ST8SIA4: variants seen among roughly 807,000 people sequenced by gnomAD.
ST8SIA4 encodes ST8 alpha-N-acetyl-neuraminide alpha-2,8-sialyltransferase 4.
ST8SIA4 carries 15 observed loss-of-function variants against 33.9 expected under a neutral mutation model. The observed-to-expected ratio is 0.44, with a 90% CI of 0.30 to 0.68. The LOEUF (loss-of-function observed/expected upper bound fraction) is 0.68, where lower values mean the gene tolerates loss of function less well. Ranked by LOEUF, ST8SIA4 falls within the 30% of genes least tolerant of loss-of-function variation. The probability of loss-of-function intolerance (pLI) is 0.10; values close to 1 mark genes in which losing one functional copy is unlikely to be tolerated. For synonymous variants in ST8SIA4, 171 were observed against 151.2 expected (o/e 1.13, Z -0.96); for missense variants, 321 against 428.0 (o/e 0.75, Z 2.21).
chr5:100,808,224 C>G lies in ST8SIA4; in HGVS notation c.*3623G>C, dbSNP rs566784142. 1.2e-4 allele frequency: 19 copies of G among 152,596 alleles called. No homozygotes were observed. Among genetic ancestry groups the G allele is most frequent in the African/African-American group, 4.6e-4 (19 of 41,524 alleles). The allele number at this position is 152,596 out of a possible 1,614,324, so 9.5% of individuals were successfully genotyped here. Reference sequence around the variant, plus strand: ...AATAACTAATTGGTATGTACACTACCCCTAGCATTACTTAAATAAATTGCT... The same window carrying G: ...AATAACTAATTGGTATGTACACTACGCCTAGCATTACTTAAATAAATTGCT... On this transcript the variant is annotated 3_prime_UTR_variant, in exon 5 of 5. Coordinates refer to ENST00000231461, the MANE Select transcript of ST8SIA4 (RefSeq NM_005668.6).
chr5:100,889,181 A>G (rs1485238160), intron 2 of ST8SIA4, among the ~76,000 whole-genome samples: 2 of 151,958 alleles, frequency 1.3e-5, no homozygotes, highest in Non-Finnish European at 2.9e-5. Flanking sequence ...AAGTGGCAAT[A>G]TACAGAATTT....
In ST8SIA4 at chr5:100,856,335, T is replaced by C; in HGVS notation, c.565A>G (p.Thr189Ala). The C allele has an allele frequency of 6.2e-7, 1 of 1,613,958 alleles. No homozygotes were observed. Among genetic ancestry groups the C allele is most frequent in the Non-Finnish European group, 8.5e-7 (1 of 1,179,944 alleles). ...ADVGTKSDFITMNPSVVQRAF... is the reference protein window; with the variant it reads ...ADVGTKSDFIAMNPSVVQRAF... ...CTTTGTACAACTGATGGATTCATGG[T>C]AATAAAATCTGATTTAGTTCCCACA... The change falls in exon 4 of 5, where the codon ACC becomes GCC. Residue 189 changes from threonine (T) to alanine (A), a missense_variant. Thr to Ala is a moderately conservative substitution (Grantham distance 58). Transcript: ENST00000231461.
intron 2 of ST8SIA4, chr5:100,890,967 T>A (rs1390072127): frequency 2.0e-5 from 3 of 151,898 alleles, no homozygotes; most frequent in African/African-American, 7.2e-5. Flanking sequence ...CCTTTCAACG[T>A]CACCTATCAC....
At chr5:100,862,946 A>C (rs1241398086) in intron 3 of ST8SIA4, among the ~76,000 whole-genome samples, 2 of 152,254 alleles carry the variant, frequency 1.3e-5, no homozygotes, top group Non-Finnish European at 2.9e-5. Flanking sequence ...GGAAGCAAAA[A>C]ATAAATACAA....
At chr5:100,879,049 G>T (rs907147230) in intron 3 of ST8SIA4, among the ~76,000 whole-genome samples, 1 of 151,990 alleles carries the variant, frequency 6.6e-6, no homozygotes, top group Non-Finnish European at 1.5e-5. Flanking sequence ...TTCTATTTTT[G>T]GAAAGTAGTA....
chr5:100,864,780 T>C (rs1289449705), intron 3 of ST8SIA4, among the ~76,000 whole-genome samples: 1 of 152,102 alleles, frequency 6.6e-6, no homozygotes, highest in East Asian at 1.9e-4. Context: ...GCAATATCAG[T>C]GAGACATAAC....
chr5:100,857,390 T>A (rs975295637), intron 3 of ST8SIA4, among the ~76,000 whole-genome samples: 15 of 151,990 alleles, frequency 9.9e-5, no homozygotes, highest in African/African-American at 2.2e-4. Context: ...ATTTTTTTTT[T>A]TAAAAAAACT....
chr5:100,823,451 GC>G (rs1225089386), intron 4 of ST8SIA4, among the ~76,000 whole-genome samples: 2 of 152,140 alleles, frequency 1.3e-5, no homozygotes, highest in Admixed American at 6.5e-5. Flanking sequence ...TTACGGACTT[GC>G]CGTGAATTCT....
intron 3 of ST8SIA4, among the ~76,000 whole-genome samples, chr5:100,867,115 G>A (rs1177965870): frequency 6.6e-6 from 1 of 151,962 alleles, no homozygotes. Flanking sequence ...ATCGATACTA[G>A]GTATACCCTC....
chr5:100,811,966 T>G lies in ST8SIA4; in HGVS notation c.961A>C (p.Lys321Gln). 6.2e-7 allele frequency: 1 copy of G among 1,614,122 alleles called. No individual in the cohort carries two copies. Among genetic ancestry groups the G allele is most frequent in the Non-Finnish European group, 8.5e-7 (1 of 1,179,990 alleles). Reference protein sequence around the residue: ...AVKYHYYDDLKYRYFSNASPH... With the variant: ...AVKYHYYDDLQYRYFSNASPH... ...CTTGCATTGGAAAAGTACCTATATT[T>G]TAAGTCATCATAATAATGATATTTG... Residue 321 changes from lysine (K) to glutamine (Q), a missense_variant, in exon 5 of 5, where the codon AAA becomes CAA. Transcript: ENST00000231461.
Position 100,886,016 on chromosome 5 carries a change from A to C in ST8SIA4, c.503+327T>G, listed in dbSNP as rs1295959750. ...ACAACAAATAAAATCACACAAAACT[A>C]ATGAGTATGAAGAAGAGATACTAAG... On this transcript the variant is annotated intron_variant, in intron 3 of 4. Coordinates refer to ENST00000231461, the MANE Select transcript of ST8SIA4 (RefSeq NM_005668.6). 3.0e-6 allele frequency: 3 copies of C among 994,234 alleles called. No homozygotes were observed. The African/African-American group carries it at 5.2e-5, about 17-fold the overall frequency. 61.6% of individuals were successfully genotyped at this position (994,234 alleles called of 1,614,324 possible). A position where few individuals can be genotyped will look rare whatever the true frequency, so the allele number is the denominator to read the frequency against.
At chr5:100,886,139 G>A (rs1752530679) in intron 3 of ST8SIA4, 4 of 1,357,230 alleles carry the variant, frequency 2.9e-6, no homozygotes, top group Non-Finnish European at 3.8e-6. Flanking sequence ...TGCTATGACA[G>A]GATCACTTTT....
chr5:100,870,257 T>C (rs1183365439), intron 3 of ST8SIA4, among the ~76,000 whole-genome samples: 1 of 152,148 alleles, frequency 6.6e-6, no homozygotes, highest in Non-Finnish European at 1.5e-5. Context: ...TGATGAACAT[T>C]TGGGTTGGTT....
At chr5:100,874,298 T>C (rs1015007371) in intron 3 of ST8SIA4, among the ~76,000 whole-genome samples, 7 of 152,156 alleles carry the variant, frequency 4.6e-5, no homozygotes, top group African/African-American at 1.4e-4. Context: ...GTCTCTATAA[T>C]AGGTAAGTTG....
chr5:100,902,186 G>C (rs1197391196), intron 1 of ST8SIA4, among the ~76,000 whole-genome samples: 1 of 152,086 alleles, frequency 6.6e-6, no homozygotes, highest in African/African-American at 2.4e-5. Context: ...AACTCATCTA[G>C]ACAAACTAAA....
At chr5:100,833,877 A>G (rs1483563897) in intron 4 of ST8SIA4, among the ~76,000 whole-genome samples, 1 of 152,156 alleles carries the variant, frequency 6.6e-6, no homozygotes, top group Non-Finnish European at 1.5e-5. Context: ...CACTTATCGT[A>G]CGGTACTATA....
intron 3 of ST8SIA4, among the ~76,000 whole-genome samples, chr5:100,872,050 C>A (rs949380324): frequency 5.3e-5 from 8 of 152,034 alleles, no homozygotes; most frequent in Non-Finnish European, 1.2e-4. Flanking sequence ...AAAATTCTGA[C>A]AGCAGATACG....
chr5:100,887,585 T>C (rs1752567340), intron 2 of ST8SIA4, among the ~76,000 whole-genome samples: 2 of 151,970 alleles, frequency 1.3e-5, no homozygotes, highest in South Asian at 4.1e-4. Context: ...AATATATGCA[T>C]ATGCTAAGTA....
intron 4 of ST8SIA4, among the ~76,000 whole-genome samples, chr5:100,842,500 A>G (rs920006278): frequency 2.0e-5 from 3 of 151,900 alleles, no homozygotes; most frequent in Non-Finnish European, 4.4e-5. Flanking sequence ...AAATTTTGAT[A>G]AACTGCCCAC....
Sources: gnomAD v4.1 joint callset for allele counts (sites outside exome capture counted in the v4.1 genomes callset) on GRCh38, gnomAD v4.1.1 for gene constraint, MANE v1.5 for transcripts, NCBI Gene and HGNC (gene_info 2026-07-23, HGNC 2026-07-21) for gene names.